Variants in TMEM120B observed in about 807,000 individuals in gnomAD.
The protein encoded by TMEM120B is transmembrane protein 120B.
A neutral mutation model predicts 55.5 loss-of-function variants in TMEM120B; 31 were observed. The ratio of observed to expected loss-of-function variants is 0.56; its 90% CI spans 0.42 to 0.75. The LOEUF (loss-of-function observed/expected upper bound fraction) is 0.75, where lower values mean the gene tolerates loss of function less well. Among genes scored for constraint, TMEM120B ranks in the 30% least tolerant of loss-of-function variants. The pLI is 0.00. For missense variants in TMEM120B, 399 were observed against 425.5 expected (o/e 0.94, Z 0.55); for synonymous variants, 203 against 176.3 (o/e 1.15, Z -1.20).
chr12:121,775,043 C>G lies in TMEM120B; in HGVS notation c.838-19C>G, dbSNP rs200378793. The G allele has an allele frequency of 8.7e-6, 14 of 1,612,818 alleles. No individual in the cohort carries two copies. The South Asian group carries it at 1.4e-4, about 16-fold the overall frequency. ...CCAGGGGAGTCTGGTGGGTGAGCAG[C>G]GCCTGCCTTCCTCTCCAGTTCTGGC... On this transcript the variant is annotated intron_variant, in intron 10 of 11. Coordinates refer to ENST00000449592, the MANE Select transcript of TMEM120B (RefSeq NM_001080825.2). This position sits in a 1 kb window ranked among gnomAD's most constrained non-coding sequence, Gnocchi z 4.3.
In TMEM120B at chr12:121,726,472, G is replaced by A. The variant is rs191131885; in HGVS notation, c.69+13508G>A. Among the ~76,000 whole-genome samples, 126 of 151,488 alleles carry A rather than the reference G, an allele frequency of 8.3e-4. 2 individuals carry two copies. In the East Asian group the frequency reaches 0.023, roughly 28 times the overall value. On this transcript the variant is annotated intron_variant, in intron 1 of 11. Transcript: ENST00000449592. ...CAGGCACCTGTAGTCCCAGCTACTC[G>A]GGAGGCTGATGCAGGAGAAAGGCAT...
intron 5 of TMEM120B, among the ~76,000 whole-genome samples, chr12:121,753,628 GA>G (rs1873396167): frequency 6.6e-6 from 1 of 151,540 alleles, no homozygotes; most frequent in African/African-American, 2.4e-5. Context: ...GTACAACTCT[GA>G]ATATACTAAA....
At chr12:121,726,807 T>C (rs1371000994) in intron 1 of TMEM120B, among the ~76,000 whole-genome samples, 1 of 147,672 alleles carries the variant, frequency 6.8e-6, no homozygotes, top group Admixed American at 7.0e-5. Flanking sequence ...CTTGGGAGGC[T>C]GAGGCAGGGA....
In TMEM120B at chr12:121,775,846, G is replaced by T. The variant is rs532647955; in HGVS notation, c.*124G>T. On this transcript the variant is annotated 3_prime_UTR_variant, in exon 12 of 12. Transcript: ENST00000449592. The surrounding 1 kb of genome is among the most constrained non-coding windows in gnomAD (Gnocchi z 4.3). ...GGGCCCAGGCCCTGGTCCCCCAGTG[G>T]ACCCCAGTGGTCTAGAGGAATGTGA... The T allele has an allele frequency of 6.7e-4, 668 of 992,798 alleles. 8 individuals carry two copies. In the South Asian group the frequency reaches 7.3e-3, roughly 11 times the overall value. The allele number at this position is 992,798 out of a possible 1,614,324, so 61.5% of individuals were successfully genotyped here.
At chr12:121,771,619 C>T (rs574352060) in intron 8 of TMEM120B, 70 bp downstream of exon 8, 25 of 1,443,112 alleles carry the variant, frequency 1.7e-5, no homozygotes, top group African/African-American at 1.3e-4. Context: ...GGGAGGGCCC[C>T]AGCTGACATC....
Position 121,720,304 on chromosome 12 carries a change from C to CA in TMEM120B, c.69+7341dup, listed in dbSNP as rs574821497. On this transcript the variant is annotated intron_variant, in intron 1 of 11. Transcript: ENST00000449592. ...CTCAGAATCTGTCCCGCACAGGACGCATACACGTTAGGCGAAGTCATCCTT... is the reference window on the plus strand; with the variant it reads ...CTCAGAATCTGTCCCGCACAGGACGCAATACACGTTAGGCGAAGTCATCCTT... 1.0e-3 allele frequency among the ~76,000 whole-genome samples: 153 copies of CA among 152,310 alleles called. 1 individual carries two copies. Among genetic ancestry groups the CA allele is most frequent in the Non-Finnish European group, 4.0e-4 (27 of 68,036 alleles).
In TMEM120B at chr12:121,779,305, G is replaced by T; in HGVS notation, c.*3583G>T. On this transcript the variant is annotated 3_prime_UTR_variant, in exon 12 of 12. Transcript: ENST00000449592. The stretch of plus-strand genomic sequence containing the variant: ...CACCCACATCACCACCATGTCCCAG[G>T]GGCAGCCTGGAGGGGAGTTTGTGGT... 1 of 632,762 alleles carries T rather than the reference G, an allele frequency of 1.6e-6. No homozygotes were observed. The highest frequency in any genetic ancestry group is 2.7e-6 in the Non-Finnish European group (1 of 369,542). 39.2% of individuals were successfully genotyped at this position (632,762 alleles called of 1,614,324 possible).
At chr12:121,764,939 CAGG>C (rs1266815492) in intron 6 of TMEM120B, among the ~76,000 whole-genome samples, 1 of 152,066 alleles carries the variant, frequency 6.6e-6, no homozygotes, top group African/African-American at 2.4e-5. Context: ...GACAGGAGAG[CAGG>C]GATGGTTGTC....
chr12:121,770,724 G>A (rs1427313014), intron 6 of TMEM120B, among the ~76,000 whole-genome samples, 183 bp from the exon 7 acceptor site: 2 of 152,128 alleles, frequency 1.3e-5, no homozygotes, highest in Non-Finnish European at 2.9e-5. Context: ...GCTGGTTTGT[G>A]TGGGATGGTG....
intron 6 of TMEM120B, among the ~76,000 whole-genome samples, chr12:121,769,332 C>T (rs576024657): frequency 1.1e-4 from 17 of 152,124 alleles, no homozygotes; most frequent in South Asian, 6.2e-4. Flanking sequence ...GAAGCTGCCT[C>T]GGAGATGGTG....
intron 1 of TMEM120B, among the ~76,000 whole-genome samples, chr12:121,728,809 T>G (rs1037425628): frequency 1.3e-5 from 2 of 152,236 alleles, no homozygotes; most frequent in African/African-American, 4.8e-5. Flanking sequence ...TTTCCCAAAC[T>G]GGGTTCATTC....
chr12:121,763,096 G>T (rs532187864), intron 6 of TMEM120B, among the ~76,000 whole-genome samples: 3 of 151,816 alleles, frequency 2.0e-5, no homozygotes, highest in Admixed American at 6.6e-5. Flanking sequence ...TTGCCACCTG[G>T]AGGACCTATT....
intron 1 of TMEM120B, among the ~76,000 whole-genome samples, chr12:121,730,482 TAA>T (rs57530738): frequency 1.2e-4 from 18 of 146,950 alleles, no homozygotes; most frequent in Admixed American, 1.4e-4. Flanking sequence ...CCTTCTCTAC[TAA>T]AAAAAAAAAT....
rs769196778 is a variant in TMEM120B at position 121,775,776 on chromosome 12, G to A, written c.*54G>A. On this transcript the variant is annotated 3_prime_UTR_variant, in exon 12 of 12. Coordinates refer to ENST00000449592, the MANE Select transcript of TMEM120B (RefSeq NM_001080825.2). The surrounding 1 kb of genome is among the most constrained non-coding windows in gnomAD (Gnocchi z 4.3). Reference sequence around the variant, plus strand: ...ACTTCAGACTGCAGGGGGCTCCCGGGCTCCTTCCCAGCAGCCCTCTCAGGC... The same window carrying A: ...ACTTCAGACTGCAGGGGGCTCCCGGACTCCTTCCCAGCAGCCCTCTCAGGC... The A allele has an allele frequency of 4.5e-5, 72 of 1,593,006 alleles. 1 individual carries two copies. The African/African-American group carries it at 8.7e-4, about 19-fold the overall frequency.
rs139204142 is a variant in TMEM120B, at chr12:121,779,028, C to T, written c.*3306C>T. On this transcript the variant is annotated 3_prime_UTR_variant, in exon 12 of 12. Coordinates refer to ENST00000449592, the MANE Select transcript of TMEM120B (RefSeq NM_001080825.2). The stretch of plus-strand genomic sequence containing the variant: ...TAGGCCCAGCCCCCTCGGTGGCCTC[C>T]GTGTTCCTGGGGGAAGGAAGGAAGG... 4.9e-3 allele frequency: 796 copies of T among 162,272 alleles called. 6 individuals are homozygous for T. Among genetic ancestry groups the T allele is most frequent in the Middle Eastern group, 0.029 (9 of 314 alleles). 10.1% of individuals were successfully genotyped at this position (162,272 alleles called of 1,614,324 possible).
chr12:121,725,278 A>T (rs1043292325), intron 1 of TMEM120B, among the ~76,000 whole-genome samples: 1 of 152,076 alleles, frequency 6.6e-6, no homozygotes, highest in African/African-American at 2.4e-5. Flanking sequence ...AGAGCTAGGG[A>T]TTCGATGGTG....
intron 6 of TMEM120B, among the ~76,000 whole-genome samples, chr12:121,766,280 C>T (rs918656213): frequency 4.6e-5 from 7 of 151,712 alleles, no homozygotes; most frequent in East Asian, 1.9e-4. Flanking sequence ...AGATGCCACT[C>T]ATCAGCTCAG....
At chr12:121,757,580 G>A (rs1179211635) in intron 5 of TMEM120B, among the ~76,000 whole-genome samples, 9 of 150,754 alleles carry the variant, frequency 6.0e-5, no homozygotes, top group African/African-American at 2.2e-4. Context: ...GCAGTGGCAC[G>A]ATCTTGGCTC....
chr12:121,732,316 A>G (rs1341116789), intron 1 of TMEM120B, among the ~76,000 whole-genome samples: 3 of 152,152 alleles, frequency 2.0e-5, no homozygotes, highest in African/African-American at 4.8e-5. Context: ...CCCTCACTCC[A>G]TGTTGTCCTC....
Sources: allele counts gnomAD v4.1 joint callset (sites outside exome capture counted in the v4.1 genomes callset), GRCh38; gene constraint gnomAD v4.1.1; non-coding constraint Gnocchi (gnomAD v3.1); transcripts MANE v1.5; gene names NCBI Gene and HGNC (gene_info 2026-07-23, HGNC 2026-07-21).